Variants in KY observed in about 807,000 individuals in gnomAD.
KY encodes the protein kyphoscoliosis peptidase.
A neutral mutation model predicts 76.1 loss-of-function variants in KY; 43 were observed. The ratio of observed to expected loss-of-function variants is 0.57; its 90% CI spans 0.44 to 0.73. The LOEUF is 0.73. Among genes scored for constraint, KY ranks in the 30% least tolerant of loss-of-function variants. KY has a pLI of 0.00. For missense variants in KY, 722 were observed against 828.9 expected (o/e 0.87, Z 1.58); for synonymous variants, 277 against 326.2 (o/e 0.85, Z 1.63).
chr3:134,604,745 T>A (rs1393145993), intron 10 of KY, among the ~76,000 whole-genome samples: 1 of 152,172 alleles, frequency 6.6e-6, no homozygotes, highest in Non-Finnish European at 1.5e-5. Context: ...AAGGGGCCTC[T>A]AGAAAAATTT....
intron 3 of KY, among the ~76,000 whole-genome samples, chr3:134,633,455 A>G (rs1964499143): frequency 6.6e-6 from 1 of 152,166 alleles, no homozygotes; most frequent in African/African-American, 2.4e-5. Context: ...ATATTTGGAA[A>G]TCAATGAATG....
chr3:134,604,478 A>G lies in KY; in HGVS notation c.1091-4T>C. 1.9e-6 allele frequency: 3 copies of G among 1,597,704 alleles called. No homozygotes were observed. Among genetic ancestry groups the G allele is most frequent in the Non-Finnish European group, 8.5e-7 (1 of 1,169,884 alleles). ...GTGACCGTGGCCTTCCCATTCACTG[A>G]GGAGAGAAAGTCAGGGTCAGCAGAG... On this transcript the variant is annotated splice_region_variant and splice_polypyrimidine_tract_variant and intron_variant, in intron 10 of 10. Transcript: ENST00000423778.
intron 3 of KY, among the ~76,000 whole-genome samples, chr3:134,632,183 C>A (rs1450870420): frequency 6.6e-6 from 1 of 152,024 alleles, no homozygotes; most frequent in Non-Finnish European, 1.5e-5. Context: ...GATTTTAACA[C>A]TAATCTTTCA....
At chr3:134,605,424 A>C (rs1261184604) in intron 10 of KY, among the ~76,000 whole-genome samples, 1 of 151,686 alleles carries the variant, frequency 6.6e-6, no homozygotes, top group Non-Finnish European at 1.5e-5. Flanking sequence ...CCTAGCTTGG[A>C]CTCTTGGTAG....
Position 134,603,597 on chromosome 3 carries a change from G to A in KY, c.1968C>T (p.Tyr656=). 6.3e-7 allele frequency: 1 copy of A among 1,586,106 alleles called. No homozygotes were observed. Among genetic ancestry groups the A allele is most frequent in the East Asian group, 2.2e-5 (1 of 44,490 alleles). The stretch of plus-strand genomic sequence containing the variant: ...ACAGCCCTCACTGGGCATTCACTTT[G>A]TATTTCAGGATGTAGGAGTAGAAAT... ...NHNFYSYILK[Y]KVNAQ Residue 656 remains tyrosine (Y), a synonymous_variant, in exon 11 of 11, where the codon TAC becomes TAT. Coordinates refer to ENST00000423778, the MANE Select transcript of KY (RefSeq NM_178554.6).
At chr3:134,629,158 AC>A (rs770090364) in intron 4 of KY, among the ~76,000 whole-genome samples, 1 of 152,204 alleles carries the variant, frequency 6.6e-6, no homozygotes, top group Non-Finnish European at 1.5e-5. Context: ...TCAGAGTCAT[AC>A]CTGGGTTCTG....
Position 134,604,204 on chromosome 3 carries a change from G to C in KY, c.1361C>G (p.Pro454Arg). 6.2e-7 allele frequency: 1 copy of C among 1,612,666 alleles called. No homozygotes were observed. Among genetic ancestry groups the C allele is most frequent in the Non-Finnish European group, 8.5e-7 (1 of 1,179,438 alleles). ...LPAELHQPVGPSWFSEQMGIM... is the reference protein window; with the variant it reads ...LPAELHQPVGRSWFSEQMGIM... ...GCCCATCTGCTCCGAGAACCAGCTGGGGCCCACGGGCTGGTGAAGCTCAGC... is the reference window on the plus strand; with the variant it reads ...GCCCATCTGCTCCGAGAACCAGCTGCGGCCCACGGGCTGGTGAAGCTCAGC... Residue 454 changes from proline to arginine, a missense_variant, in exon 11 of 11, where the codon CCC becomes CGC. Coordinates refer to ENST00000423778, the MANE Select transcript of KY (RefSeq NM_178554.6).
At chr3:134,605,435 G>A (rs567169641) in intron 10 of KY, among the ~76,000 whole-genome samples, 2 of 152,222 alleles carry the variant, frequency 1.3e-5, no homozygotes, top group South Asian at 4.1e-4. Context: ...CTCTTGGTAG[G>A]GGAGGCAGAA....
intron 6 of KY, among the ~76,000 whole-genome samples, chr3:134,621,436 T>C (rs924056387): frequency 1.3e-5 from 2 of 152,244 alleles, no homozygotes; most frequent in Non-Finnish European, 2.9e-5. Flanking sequence ...AGTGGATCTT[T>C]GACAAGGGTG....
chr3:134,637,451 A>G (rs887769986), intron 3 of KY, among the ~76,000 whole-genome samples: 3 of 152,196 alleles, frequency 2.0e-5, no homozygotes, highest in Non-Finnish European at 4.4e-5. Context: ...CTCCCCTCTC[A>G]TAGGTCACAA....
In KY at chr3:134,601,280, C is replaced by T. The variant is rs1958952850; in HGVS notation, c.*2299G>A. On this transcript the variant is annotated 3_prime_UTR_variant, in exon 11 of 11. Transcript: ENST00000423778. ...CGAGAGGGAGGGGCTTGCTGATGCC[C>T]TGCGGTGCTTTGAGGGGCGGGGCCT... Among the ~76,000 whole-genome samples, 1 of 152,190 alleles carries T rather than the reference C, an allele frequency of 6.6e-6. No homozygotes were observed. Among genetic ancestry groups the T allele is most frequent in the Admixed American group, 6.5e-5 (1 of 15,284 alleles).
At chr3:134,645,196 C>T (rs1966287713) in intron 2 of KY, among the ~76,000 whole-genome samples, 1 of 152,214 alleles carries the variant, frequency 6.6e-6, no homozygotes, top group Admixed American at 6.5e-5. Context: ...CAGGGGAAGC[C>T]CGTTGCTGGG....
chr3:134,611,194 C>T (rs941168744), intron 8 of KY, among the ~76,000 whole-genome samples: 9 of 152,202 alleles, frequency 5.9e-5, no homozygotes, highest in Admixed American at 5.9e-4. Context: ...GCTTTGGGGT[C>T]CTTTTGACAT....
At chr3:134,643,231 C>T (rs1183747602) in intron 3 of KY, 85 bp downstream of exon 3, 6 of 1,345,336 alleles carry the variant, frequency 4.5e-6, no homozygotes, top group Non-Finnish European at 6.3e-6. Context: ...AGTCTGAGCT[C>T]CACATCCTGG....
chr3:134,629,012 G>T (rs934993979), intron 4 of KY, among the ~76,000 whole-genome samples: 6 of 152,194 alleles, frequency 3.9e-5, no homozygotes. Flanking sequence ...TCTTCCTGAG[G>T]TCCCTGTTTA....
chr3:134,625,507 T>TC (rs1374235264), intron 5 of KY, among the ~76,000 whole-genome samples: 1 of 152,248 alleles, frequency 6.6e-6, no homozygotes, highest in East Asian at 1.9e-4. Context: ...CTGTTATTTT[T>TC]CCCAGGAATG....
rs375909580 is a variant in KY at position 134,610,351 on chromosome 3, C to G, written c.743G>C (p.Gly248Ala). Reference sequence around the variant, plus strand: ...CTGGTAGCCGAAACCCTTGGAGTAGCCAGGCACGGTCATACACTGCACTCC... The same window carrying G: ...CTGGTAGCCGAAACCCTTGGAGTAGGCAGGCACGGTCATACACTGCACTCC... ...LAGVQCMTVPGYSKGFGYQTG... is the reference protein window; with the variant it reads ...LAGVQCMTVPAYSKGFGYQTG... Residue 248 changes from glycine (G) to alanine (A), a missense_variant, in exon 9 of 11, where the codon GGC becomes GCC. Transcript: ENST00000423778. 1.2e-6 allele frequency: 2 copies of G among 1,613,502 alleles called. No homozygotes were observed. The highest frequency in any genetic ancestry group is 1.7e-6 in the Non-Finnish European group (2 of 1,179,754).
chr3:134,625,030 G>T, intron 6 of KY, 23 bp downstream of exon 6: 4 of 1,572,948 alleles, frequency 2.5e-6, no homozygotes, highest in Non-Finnish European at 3.5e-6. Context: ...GGGGCCCATG[G>T]TCAGAGCGGC....
At chr3:134,644,344 C>T (rs1406389805) in intron 2 of KY, among the ~76,000 whole-genome samples, 5 of 152,260 alleles carry the variant, frequency 3.3e-5, no homozygotes, top group Non-Finnish European at 7.3e-5. Flanking sequence ...ATGCCTAGTT[C>T]CTGCCATAGG....
Sources: gnomAD v4.1 joint callset for allele counts (sites outside exome capture counted in the v4.1 genomes callset) on GRCh38, gnomAD v4.1.1 for gene constraint, MANE v1.5 for transcripts, NCBI Gene and HGNC (gene_info 2026-07-23, HGNC 2026-07-21) for gene names.